TTLL7: variants seen among roughly 807,000 people sequenced by gnomAD.
TTLL7 encodes the protein tubulin polyglutamylase TTLL7.
Under a neutral mutation model 120.2 loss-of-function variants are expected in TTLL7, and 53 were observed. The observed-to-expected ratio is 0.44, with a 90% CI of 0.35 to 0.55. The LOEUF (loss-of-function observed/expected upper bound fraction) is 0.55. Among genes scored for constraint, TTLL7 ranks in the 20% least tolerant of loss-of-function variants. The pLI, the probability that TTLL7 is intolerant of heterozygous loss-of-function variation, is 0.00. For synonymous variants in TTLL7, 353 were observed against 351.7 expected, an observed-to-expected ratio of 1.00 and a Z score of -0.04; for missense variants, 803 against 1,054.7, an observed-to-expected ratio of 0.76 and a Z score of 3.31.
chr1:83,970,529 A>G (rs1012315225), intron 1 of TTLL7, among the ~76,000 whole-genome samples: 3 of 152,106 alleles, frequency 2.0e-5, no homozygotes, highest in Non-Finnish European at 4.4e-5. Flanking sequence ...TGGTTTTTCA[A>G]GTTCTGATTT....
At chr1:83,960,963 T>A (rs17535312) in intron 1 of TTLL7, among the ~76,000 whole-genome samples, 3,320 of 152,250 alleles carry the variant, frequency 0.022, 61 homozygotes, top group Non-Finnish European at 0.036. Flanking sequence ...GCTGGATCTG[T>A]CCTGTGTTCT....
At chr1:83,991,143 C>CA (rs1350781227) in intron 1 of TTLL7, among the ~76,000 whole-genome samples, 1 of 152,050 alleles carries the variant, frequency 6.6e-6, no homozygotes, top group East Asian at 1.9e-4. Context: ...CTAAAGTGGT[C>CA]AAATTCATAG....
chr1:83,956,263 A>G (rs181674344), intron 1 of TTLL7, among the ~76,000 whole-genome samples: 2 of 150,400 alleles, frequency 1.3e-5, no homozygotes, highest in East Asian at 3.9e-4. Flanking sequence ...GGCTTTTATT[A>G]TTATTTTTAT....
chr1:83,975,586 G>C (rs560827340), intron 1 of TTLL7, among the ~76,000 whole-genome samples: 28 of 152,004 alleles, frequency 1.8e-4, no homozygotes, highest in Non-Finnish European at 2.5e-4. Flanking sequence ...AAAGGGGTTT[G>C]GTAACTTGTC....
intron 14 of TTLL7, among the ~76,000 whole-genome samples, chr1:83,916,841 G>C (rs1207068683): frequency 1.3e-5 from 2 of 152,136 alleles, no homozygotes; most frequent in African/African-American, 2.4e-5. Context: ...TATAATCCCA[G>C]CACTTTGGTA....
At chr1:83,904,415 A>G (rs1398698605) in intron 17 of TTLL7, among the ~76,000 whole-genome samples, 1 of 152,102 alleles carries the variant, frequency 6.6e-6, no homozygotes, top group Non-Finnish European at 1.5e-5. Flanking sequence ...CAGGCAGATC[A>G]CTTGAGGCCA....
intron 1 of TTLL7, among the ~76,000 whole-genome samples, chr1:83,971,855 T>C (rs915138460): frequency 6.6e-6 from 1 of 152,066 alleles, no homozygotes; most frequent in East Asian, 1.9e-4. Flanking sequence ...CAAAGAAGAA[T>C]ATTGGGAAGA....
chr1:83,930,554 A>G (rs541915216), intron 9 of TTLL7, among the ~76,000 whole-genome samples: 199 of 152,316 alleles, frequency 1.3e-3, no homozygotes, highest in Non-Finnish European at 2.2e-3. Context: ...TCCCTTTGCA[A>G]GTGCAAAGAA....
chr1:83,872,232 A>G (rs879846330), intron 20 of TTLL7, among the ~76,000 whole-genome samples: 2 of 152,256 alleles, frequency 1.3e-5, no homozygotes, highest in Non-Finnish European at 2.9e-5. Flanking sequence ...TACTCAAATC[A>G]TTAAGTTAAT....
intron 20 of TTLL7, among the ~76,000 whole-genome samples, chr1:83,879,037 A>T (rs562723904): frequency 6.6e-6 from 1 of 152,108 alleles, no homozygotes; most frequent in Non-Finnish European, 1.5e-5. Flanking sequence ...TATACTTCAT[A>T]AGTTATTTCT....
At chr1:83,886,658 G>A (rs1654999678) in intron 19 of TTLL7, among the ~76,000 whole-genome samples, 1 of 151,940 alleles carries the variant, frequency 6.6e-6, no homozygotes, top group Non-Finnish European at 1.5e-5. Context: ...CTTTGGCTGG[G>A]GAATCCAGGC....
At chr1:83,972,831 G>A (rs1410214307) in intron 1 of TTLL7, among the ~76,000 whole-genome samples, 2 of 152,080 alleles carry the variant, frequency 1.3e-5, no homozygotes, top group East Asian at 1.9e-4. Context: ...ACATAGATGC[G>A]GAGCTCTTTT....
chr1:83,963,261 T>C (rs906431793), intron 1 of TTLL7, among the ~76,000 whole-genome samples: 2 of 152,024 alleles, frequency 1.3e-5, no homozygotes, highest in African/African-American at 2.4e-5. Flanking sequence ...ATCCAACTAA[T>C]GCCAGTGAGA....
At chr1:83,993,956 AG>A (rs1466734294) in intron 1 of TTLL7, among the ~76,000 whole-genome samples, 2 of 152,254 alleles carry the variant, frequency 1.3e-5, no homozygotes, top group African/African-American at 4.8e-5. Context: ...ACTTAACTCC[AG>A]GAAAAATATT....
At position 83,904,164 on chromosome 1, in the gene TTLL7, T is replaced by C; in HGVS notation, c.2128-5A>G. On this transcript the variant is annotated splice_polypyrimidine_tract_variant and splice_region_variant and intron_variant, in intron 17 of 20. Coordinates refer to ENST00000260505, the MANE Select transcript of TTLL7 (RefSeq NM_024686.6). ...ATACTTCCAGTTATCAATGATCTGTTTGGAAGGAGGAACATTAAGAAATTT... is the reference window on the plus strand; with the variant it reads ...ATACTTCCAGTTATCAATGATCTGTCTGGAAGGAGGAACATTAAGAAATTT... 1 of 1,606,150 alleles carries C rather than the reference T, an allele frequency of 6.2e-7. No homozygotes were observed. The highest frequency in any genetic ancestry group is 8.5e-7 in the Non-Finnish European group (1 of 1,176,338).
chr1:83,884,695 G>A (rs1323655561), intron 19 of TTLL7, among the ~76,000 whole-genome samples: 1 of 141,974 alleles, frequency 7.0e-6, no homozygotes, highest in Non-Finnish European at 1.5e-5. Flanking sequence ...GACACAGGAA[G>A]GGGAACATCG....
At chr1:83,929,287 G>A in intron 9 of TTLL7, 57 bp from the exon 10 acceptor site, 2 of 1,333,188 alleles carry the variant, frequency 1.5e-6, no homozygotes, top group Non-Finnish European at 2.1e-6. Context: ...ATACATATTT[G>A]TTAATCCAAT....
intron 9 of TTLL7, 35 bp downstream of exon 9, chr1:83,933,573 T>C (rs928817696): frequency 4.4e-6 from 7 of 1,601,156 alleles, no homozygotes; most frequent in Non-Finnish European, 6.0e-6. Flanking sequence ...GTAAGGACAG[T>C]GATAACTCTT....
intron 9 of TTLL7, among the ~76,000 whole-genome samples, chr1:83,929,495 C>G (rs1045124852): frequency 6.6e-6 from 1 of 152,064 alleles, no homozygotes; most frequent in African/African-American, 2.4e-5. Flanking sequence ...CTGGCCTCTC[C>G]CTCCATTCCA....
Sources: gnomAD v4.1 joint callset for allele counts (sites outside exome capture counted in the v4.1 genomes callset) on GRCh38, gnomAD v4.1.1 for gene constraint, MANE v1.5 for transcripts, NCBI Gene and HGNC (gene_info 2026-07-23, HGNC 2026-07-21) for gene names.